The following EPHA6 variants were observed in gnomAD, a reference collection of about 807,000 sequenced individuals.
The protein encoded by EPHA6 is EPH receptor A6.
EPHA6 carries 50 observed loss-of-function variants against 112.0 expected under a neutral mutation model. The observed-to-expected ratio is 0.45, with a 90% CI of 0.36 to 0.56. EPHA6 has a LOEUF of 0.56. Ranked by LOEUF, EPHA6 falls within the 20% of genes least tolerant of loss-of-function variation. The pLI is 0.00. For synonymous variants in EPHA6, 529 were observed against 490.7 expected (o/e 1.08, Z -1.03); for missense variants, 1,280 against 1,417.4 (o/e 0.90, Z 1.56).
At chr3:97,307,741 C>CAA (rs71849708) in intron 5 of EPHA6, among the ~76,000 whole-genome samples, 3 of 148,302 alleles carry the variant, frequency 2.0e-5, no homozygotes, top group African/African-American at 7.4e-5. Flanking sequence ...GTGTTTCAGA[C>CAA]AAAAAAAAAT....
At chr3:97,538,965 A>G (rs2092799993) in intron 11 of EPHA6, among the ~76,000 whole-genome samples, 1 of 150,080 alleles carries the variant, frequency 6.7e-6, no homozygotes, top group African/African-American at 2.5e-5. Context: ...GCTACTACAT[A>G]CTGGACACTT....
chr3:97,712,558 T>A (rs544032342), intron 14 of EPHA6, among the ~76,000 whole-genome samples: 1 of 152,294 alleles, frequency 6.6e-6, no homozygotes, highest in South Asian at 2.1e-4. Context: ...CACACTAAAG[T>A]AGCATTGTGT....
chr3:97,594,938 A>G (rs1190922831), intron 12 of EPHA6, among the ~76,000 whole-genome samples: 1 of 152,230 alleles, frequency 6.6e-6, no homozygotes, highest in Non-Finnish European at 1.5e-5. Flanking sequence ...CATTTTCTGT[A>G]TCAGTCAAGA....
intron 2 of EPHA6, among the ~76,000 whole-genome samples, chr3:96,877,183 T>C (rs1015124251): frequency 3.3e-5 from 5 of 152,118 alleles, no homozygotes; most frequent in African/African-American, 1.2e-4. Flanking sequence ...GCAGAATCAG[T>C]TGTGGAAAAA....
intron 3 of EPHA6, among the ~76,000 whole-genome samples, chr3:97,225,916 G>A (rs567901000): frequency 2.0e-5 from 3 of 152,256 alleles, no homozygotes; most frequent in South Asian, 2.1e-4. Context: ...CTCTGAGAAC[G>A]ACACAAAATC....
chr3:97,514,482 A>C (rs1371206810), intron 10 of EPHA6, among the ~76,000 whole-genome samples: 1 of 152,192 alleles, frequency 6.6e-6, no homozygotes, highest in East Asian at 1.9e-4. Context: ...ACATATTCAC[A>C]GATTTAGTGG....
intron 6 of EPHA6, among the ~76,000 whole-genome samples, chr3:97,418,319 A>G (rs2088306498): frequency 6.6e-6 from 1 of 152,058 alleles, no homozygotes; most frequent in African/African-American, 2.4e-5. Flanking sequence ...AGAGCATACA[A>G]TACTTATATG....
chr3:96,940,238 G>A (rs2040857685), intron 2 of EPHA6, among the ~76,000 whole-genome samples: 1 of 152,156 alleles, frequency 6.6e-6, no homozygotes, highest in African/African-American at 2.4e-5. Context: ...GGGAGTCTAA[G>A]TATCTTTGTA....
chr3:97,681,983 G>A (rs1035472941), intron 14 of EPHA6, among the ~76,000 whole-genome samples: 11 of 152,006 alleles, frequency 7.2e-5, no homozygotes, highest in East Asian at 3.9e-4. Context: ...GCTTCTTATA[G>A]CCATTATATA....
intron 2 of EPHA6, among the ~76,000 whole-genome samples, chr3:96,962,032 C>T (rs1454551903): frequency 6.6e-6 from 1 of 152,142 alleles, no homozygotes; most frequent in African/African-American, 2.4e-5. Context: ...TAAAACACGT[C>T]TCATGTACTA....
intron 3 of EPHA6, among the ~76,000 whole-genome samples, chr3:97,029,612 A>G (rs2044755175): frequency 6.6e-6 from 1 of 152,100 alleles, no homozygotes; most frequent in African/African-American, 2.4e-5. Context: ...ATGAATTGCA[A>G]AGAGGAAAAG....
intron 2 of EPHA6, among the ~76,000 whole-genome samples, chr3:96,893,196 ATAT>A (rs1246195187): frequency 2.6e-5 from 4 of 152,134 alleles, no homozygotes; most frequent in Admixed American, 6.5e-5. Context: ...AGTATAGTGC[ATAT>A]TATTATGTAC....
intron 3 of EPHA6, among the ~76,000 whole-genome samples, chr3:97,157,206 A>G (rs986759017): frequency 6.6e-6 from 1 of 152,180 alleles, no homozygotes; most frequent in Non-Finnish European, 1.5e-5. Flanking sequence ...CATGAAGATT[A>G]AGAAGTTTGT....
chr3:97,057,660 T>C (rs1042676337), intron 3 of EPHA6, among the ~76,000 whole-genome samples: 1 of 152,182 alleles, frequency 6.6e-6, no homozygotes, highest in African/African-American at 2.4e-5. Context: ...ACCACAACTA[T>C]CATAATCACA....
chr3:96,825,952 G>C (rs2033632328), intron 1 of EPHA6, among the ~76,000 whole-genome samples: 1 of 151,688 alleles, frequency 6.6e-6, no homozygotes, highest in Non-Finnish European at 1.5e-5. Flanking sequence ...TCAAAAATTA[G>C]AGGTCTACTG....
At chr3:97,656,942 T>TTAAACTGAGTAATGTGTA (rs1454301240) in intron 14 of EPHA6, among the ~76,000 whole-genome samples, 1 of 151,940 alleles carries the variant, frequency 6.6e-6, no homozygotes, top group Non-Finnish European at 1.5e-5. Flanking sequence ...CATTACTCAG[T>TTAAACTGAGTAATGTGTA]TGTTTAACCA....
chr3:97,583,237 T>G (rs2093455867), intron 11 of EPHA6, among the ~76,000 whole-genome samples: 1 of 151,572 alleles, frequency 6.6e-6, no homozygotes, highest in Non-Finnish European at 1.5e-5. Flanking sequence ...GTAAAATGGT[T>G]TTTTAGAAGA....
At chr3:97,644,511 G>A (rs565652321) in intron 14 of EPHA6, among the ~76,000 whole-genome samples, 1 of 151,914 alleles carries the variant, frequency 6.6e-6, no homozygotes, top group Admixed American at 6.6e-5. Flanking sequence ...CTGGTTTTTT[G>A]AAAGGATCAA....
chr3:97,385,001 T>C (rs1367238187), intron 5 of EPHA6, among the ~76,000 whole-genome samples: 1 of 152,206 alleles, frequency 6.6e-6, no homozygotes, highest in Non-Finnish European at 1.5e-5. Context: ...GTAGTATAAA[T>C]ACCTTCATCA....
Sources: gnomAD v4.1 joint callset for allele counts (sites outside exome capture counted in the v4.1 genomes callset) on GRCh38, gnomAD v4.1.1 for gene constraint, MANE v1.5 for transcripts, NCBI Gene and HGNC (gene_info 2026-07-23, HGNC 2026-07-21) for gene names.